TMEM154: variants seen among roughly 807,000 people sequenced by gnomAD.
The protein encoded by TMEM154 is transmembrane protein 154.
A neutral mutation model predicts 24.5 loss-of-function variants in TMEM154; 27 were observed. That is an observed-to-expected ratio of 1.10 (90% CI 0.81 to 1.52). The LOEUF (loss-of-function observed/expected upper bound fraction) is 1.52, where lower values mean the gene tolerates loss of function less well. Ranked by LOEUF, TMEM154 falls within the 40% of genes most tolerant of loss-of-function variation. The probability of loss-of-function intolerance (pLI) is 0.00; values close to 1 mark genes in which losing one functional copy is unlikely to be tolerated. For missense variants in TMEM154, 228 were observed against 213.4 expected (o/e 1.07, Z -0.43); for synonymous variants, 67 against 76.8 (o/e 0.87, Z 0.67).
At chr4:152,637,770 C>G (rs960295517) in intron 6 of TMEM154, among the ~76,000 whole-genome samples, 1 of 152,114 alleles carries the variant, frequency 6.6e-6, no homozygotes, top group Non-Finnish European at 1.5e-5. Flanking sequence ...AATGCACTTT[C>G]CACCTGTATC....
At chr4:152,654,115 TA>T (rs1728444768) in intron 1 of TMEM154, among the ~76,000 whole-genome samples, 1 of 152,274 alleles carries the variant, frequency 6.6e-6, no homozygotes, top group South Asian at 2.1e-4. Flanking sequence ...ACTTGATGAC[TA>T]TCTGAAAAAC....
chr4:152,628,638 CTT>C (rs1201157665), intron 6 of TMEM154, 77 bp from the exon 7 acceptor site: 16,556 of 913,478 alleles, frequency 0.018, no homozygotes, highest in East Asian at 0.025. Context: ...ATATTTCTTT[CTT>C]TTTTTTTTTT....
intron 6 of TMEM154, 27 bp from the exon 7 acceptor site, chr4:152,628,588 A>T: frequency 3.1e-6 from 3 of 978,486 alleles, no homozygotes; most frequent in Non-Finnish European, 4.0e-6. Flanking sequence ...AAAAAAAAAA[A>T]AAAACAAAAA....
chr4:152,639,229 G>C (rs1405137403), intron 6 of TMEM154, among the ~76,000 whole-genome samples: 1 of 152,168 alleles, frequency 6.6e-6, no homozygotes, highest in Non-Finnish European at 1.5e-5. Context: ...GGAATTACAG[G>C]CATGAGCCAC....
intron 1 of TMEM154, among the ~76,000 whole-genome samples, chr4:152,654,030 A>T (rs1330325181): frequency 7.0e-6 from 1 of 143,000 alleles, no homozygotes; most frequent in African/African-American, 2.5e-5. Context: ...CAAGAGCGAC[A>T]CTCCATCTCA....
At chr4:152,647,100 G>T in intron 3 of TMEM154, 1 of 1,163,984 alleles carries the variant, frequency 8.6e-7, no homozygotes, top group Non-Finnish European at 1.2e-6. Flanking sequence ...CAGATGAAGT[G>T]TTCTAAAAGT....
intron 1 of TMEM154, among the ~76,000 whole-genome samples, chr4:152,662,972 C>G (rs1469104401): frequency 6.6e-6 from 1 of 152,234 alleles, no homozygotes; most frequent in African/African-American, 2.4e-5. Context: ...AGGCTTGAGA[C>G]TGGCTGCTGC....
At chr4:152,641,249 C>G in intron 5 of TMEM154, 1 of 401,040 alleles carries the variant, frequency 2.5e-6, no homozygotes, top group East Asian at 4.9e-5. Context: ...TTATTCTGTC[C>G]CTGCAGCACC....
chr4:152,660,388 C>A (rs917258834), intron 1 of TMEM154, among the ~76,000 whole-genome samples: 2 of 151,034 alleles, frequency 1.3e-5, no homozygotes, highest in African/African-American at 4.9e-5. Context: ...CCCCCCCTCA[C>A]TTTACTTCTT....
chr4:152,632,824 A>G (rs1335384361), intron 6 of TMEM154, among the ~76,000 whole-genome samples: 1 of 152,172 alleles, frequency 6.6e-6, no homozygotes, highest in Admixed American at 6.5e-5. Flanking sequence ...GCTATGTGAC[A>G]TTAGGCAAAT....
intron 3 of TMEM154, among the ~76,000 whole-genome samples, chr4:152,650,420 C>T (rs557038258): frequency 6.6e-6 from 1 of 152,222 alleles, no homozygotes; most frequent in Non-Finnish European, 1.5e-5. Context: ...AATTTCTCAG[C>T]CACTTAACGT....
chr4:152,644,765 C>A (rs1166347183), intron 3 of TMEM154, among the ~76,000 whole-genome samples: 1 of 152,176 alleles, frequency 6.6e-6, no homozygotes, highest in Non-Finnish European at 1.5e-5. Context: ...GAGGGTGAAA[C>A]AAGAGGGCTT....
intron 1 of TMEM154, among the ~76,000 whole-genome samples, chr4:152,672,739 G>A (rs1473478816): frequency 1.3e-5 from 2 of 152,166 alleles, no homozygotes; most frequent in African/African-American, 4.8e-5. Context: ...CTACTGAAAA[G>A]AATAGAGGAT....
chr4:152,658,012 T>C (rs1267723444), intron 1 of TMEM154, among the ~76,000 whole-genome samples: 1 of 152,154 alleles, frequency 6.6e-6, no homozygotes, highest in African/African-American at 2.4e-5. Context: ...GAACAATATT[T>C]ATCATCATGA....
chr4:152,649,309 G>A (rs750403275), intron 3 of TMEM154, among the ~76,000 whole-genome samples: 21 of 152,348 alleles, frequency 1.4e-4, no homozygotes, highest in African/African-American at 1.9e-4. Flanking sequence ...GAATCCGAGC[G>A]AGTTTTACTG....
Position 152,621,216 on chromosome 4 carries a change from C to T in TMEM154, c.*7330G>A, listed in dbSNP as rs1751839260. 6.6e-6 allele frequency: 1 copy of T among 152,250 alleles called. No individual in the cohort carries two copies. The highest frequency in any genetic ancestry group is 2.1e-4 in the South Asian group (1 of 4,836). The allele number at this position is 152,250 out of a possible 1,614,324, so 9.4% of individuals were successfully genotyped here. On this transcript the variant is annotated 3_prime_UTR_variant, in exon 7 of 7. Coordinates refer to ENST00000304385, the MANE Select transcript of TMEM154 (RefSeq NM_152680.3). Reference sequence around the variant, plus strand: ...GCTCACCCTTGTGCTGGTTCCCTCTCTTTCCTTCTTGTGAATATCATGCTG... The same window carrying T: ...GCTCACCCTTGTGCTGGTTCCCTCTTTTTCCTTCTTGTGAATATCATGCTG...
intron 5 of TMEM154, among the ~76,000 whole-genome samples, chr4:152,641,661 CTTTTTTT>C (rs5863014): frequency 3.2e-5 from 4 of 126,948 alleles, no homozygotes; most frequent in African/African-American, 1.2e-4. Context: ...TTTCTTCTAC[CTTTTTTT>C]TTTTTTTTTT....
At position 152,679,869 on chromosome 4, in the gene TMEM154, C is replaced by T. The variant is rs757936701; in HGVS notation, c.64+1G>A. ...AGGAGTAGGAAGTGGAGGCGGCTTA[C>T]CCCGGCCGACGGGAACGAGCGCGAT... On this transcript the variant is annotated splice_donor_variant, in intron 1 of 6. Coordinates refer to ENST00000304385, the MANE Select transcript of TMEM154 (RefSeq NM_152680.3). LOFTEE classifies it high-confidence loss of function. The T allele has an allele frequency of 1.3e-5, 21 of 1,607,320 alleles. No individual in the cohort carries two copies. The East Asian group carries it at 4.0e-4, about 31-fold the overall frequency.
At chr4:152,632,600 A>T (rs1302509521) in intron 6 of TMEM154, among the ~76,000 whole-genome samples, 1 of 152,160 alleles carries the variant, frequency 6.6e-6, no homozygotes. Flanking sequence ...ATACCTCTCC[A>T]TTCGTTTAAG....
Sources: allele counts gnomAD v4.1 joint callset (sites outside exome capture counted in the v4.1 genomes callset), GRCh38; gene constraint gnomAD v4.1.1; transcripts MANE v1.5; gene names NCBI Gene and HGNC (gene_info 2026-07-23, HGNC 2026-07-21).